TRAPPC9: variants seen among roughly 807,000 people sequenced by gnomAD.
TRAPPC9 encodes the protein IKK2 binding protein.
Under a neutral mutation model 124.0 loss-of-function variants are expected in TRAPPC9, and 83 were observed. The observed-to-expected ratio is 0.67, with a 90% confidence interval of 0.56 to 0.80. TRAPPC9 has a LOEUF of 0.80. Ranked by LOEUF, TRAPPC9 falls within the 30% of genes least tolerant of loss-of-function variation. TRAPPC9 has a pLI of 0.00. For synonymous variants in TRAPPC9, 638 were observed against 617.5 expected (o/e 1.03, Z -0.49); for missense variants, 1,302 against 1,508.3 (o/e 0.86, Z 2.27).
At chr8:139,884,230 T>C (rs993147467) in intron 21 of TRAPPC9, among the ~76,000 whole-genome samples, 1 of 151,976 alleles carries the variant, frequency 6.6e-6, no homozygotes, top group East Asian at 1.9e-4. Context: ...GGGAAGGGCA[T>C]TGTTTCCAGA....
At chr8:140,370,933 C>T in intron 8 of TRAPPC9, 31 bp downstream of exon 8, 4 of 1,611,680 alleles carry the variant, frequency 2.5e-6, no homozygotes, top group Non-Finnish European at 2.5e-6. Context: ...CAGAAAGCAA[C>T]ACCTTAGCGC....
At chr8:140,383,649 A>C (rs896187590) in intron 7 of TRAPPC9, among the ~76,000 whole-genome samples, 3 of 152,216 alleles carry the variant, frequency 2.0e-5, no homozygotes, top group Non-Finnish European at 4.4e-5. Flanking sequence ...GCCTCCAAGA[A>C]ATACGGGACT....
At chr8:140,361,639 A>G (rs2067957003) in intron 8 of TRAPPC9, among the ~76,000 whole-genome samples, 1 of 152,228 alleles carries the variant, frequency 6.6e-6, no homozygotes, top group Non-Finnish European at 1.5e-5. Context: ...TAGCTGTGAC[A>G]TGATTAATGA....
rs1221275448 is a variant in TRAPPC9, at chr8:139,887,217, C to CT, written c.2965-1249dup. On this transcript the variant is annotated intron_variant, in intron 20 of 22. Coordinates refer to ENST00000438773, the MANE Select transcript of TRAPPC9 (RefSeq NM_001160372.4). ...TACCCACTCCTGTGTCCTATTTTAG[C>CT]TTTTTTTTTTTTTTTTTTTTAGAGA... 9.6e-3 allele frequency among the ~76,000 whole-genome samples: 1,254 copies of CT among 130,584 alleles called. 11 individuals are homozygous for CT. The highest frequency in any genetic ancestry group is 0.021 in the African/African-American group (739 of 34,766). 85.7% of individuals were successfully genotyped at this position (130,584 alleles called of 152,430 possible).
intron 17 of TRAPPC9, among the ~76,000 whole-genome samples, chr8:140,191,860 C>G (rs542491968): frequency 1.3e-5 from 2 of 152,284 alleles, no homozygotes; most frequent in African/African-American, 4.8e-5. Flanking sequence ...GGAAGGAGCA[C>G]AGGTCTGAGA....
chr8:140,125,017 G>A (rs2061059460), intron 17 of TRAPPC9, among the ~76,000 whole-genome samples: 1 of 152,234 alleles, frequency 6.6e-6, no homozygotes, highest in Non-Finnish European at 1.5e-5. Context: ...CCAACCAGGT[G>A]GCCTCAGATA....
At chr8:140,102,104 G>C (rs1433509345) in intron 17 of TRAPPC9, among the ~76,000 whole-genome samples, 1 of 152,182 alleles carries the variant, frequency 6.6e-6, no homozygotes, top group Non-Finnish European at 1.5e-5. Context: ...AGTTACTAGA[G>C]TCCAAACTGT....
chr8:140,453,084 C>T (rs1402579425), intron 1 of TRAPPC9, among the ~76,000 whole-genome samples: 1 of 152,106 alleles, frequency 6.6e-6, no homozygotes, highest in Non-Finnish European at 1.5e-5. Context: ...ACTATAGTCT[C>T]AAATAAAAAG....
At chr8:139,942,371 T>C (rs1387627898) in intron 19 of TRAPPC9, among the ~76,000 whole-genome samples, 1 of 135,628 alleles carries the variant, frequency 7.4e-6, no homozygotes, top group Non-Finnish European at 1.6e-5. Flanking sequence ...ATTTGGTCAT[T>C]GGTCATTTTA....
intron 17 of TRAPPC9, among the ~76,000 whole-genome samples, chr8:140,106,102 T>C (rs1442929207): frequency 6.7e-6 from 1 of 150,190 alleles, no homozygotes; most frequent in Admixed American, 6.6e-5. Flanking sequence ...TGCGGGATGA[T>C]GAATCACACA....
chr8:139,966,565 T>C (rs923826656), intron 19 of TRAPPC9, among the ~76,000 whole-genome samples: 9 of 152,228 alleles, frequency 5.9e-5, no homozygotes, highest in East Asian at 5.8e-4. Flanking sequence ...TAAATGGGTA[T>C]AAATTTGCCT....
chr8:140,259,837 A>G (rs2064357935), intron 15 of TRAPPC9, among the ~76,000 whole-genome samples: 2 of 152,230 alleles, frequency 1.3e-5, no homozygotes, highest in South Asian at 2.1e-4. Context: ...CCTGGCCACC[A>G]GCAGGCACTC....
chr8:139,973,781 C>T lies in TRAPPC9; in HGVS notation c.2810+14945G>A, dbSNP rs944879415. ...CCTCTGGGAGGCTGGGGGAGGAGGC[C>T]GAGGTGAGTGCCAGGCCCCCAAACC... is the stretch of plus-strand genomic sequence containing the variant. On this transcript the variant is annotated intron_variant, in intron 19 of 22. Coordinates refer to ENST00000438773, the MANE Select transcript of TRAPPC9 (RefSeq NM_001160372.4). Among the ~76,000 whole-genome samples the T allele has an allele frequency of 4.6e-5, 7 of 152,012 alleles. No homozygotes were observed. In the East Asian group the frequency reaches 1.4e-3, roughly 29 times the overall value.
rs531524865 is a variant in TRAPPC9, at chr8:140,413,122, C to T, written c.887-7424G>A. Among the ~76,000 whole-genome samples, 11 of 152,296 alleles carry T rather than the reference C, an allele frequency of 7.2e-5. No individual in the cohort carries two copies. In the East Asian group the frequency reaches 1.7e-3, roughly 24 times the overall value. ...TCACCACCCGGGTCGGGCACGGTGG[C>T]TCACGTCTGTAATCCCAGCACTTTG... On this transcript the variant is annotated intron_variant, in intron 5 of 22. Transcript: ENST00000438773.
intron 16 of TRAPPC9, among the ~76,000 whole-genome samples, chr8:140,249,387 TCCAGGGTGTATATGTA>T (rs2064070837): frequency 6.6e-6 from 1 of 152,212 alleles, no homozygotes; most frequent in African/African-American, 2.4e-5. Context: ...TGCATAGTCT[TCCAGGGTGTATATGTA>T]CCACATTTTC....
intron 11 of TRAPPC9, among the ~76,000 whole-genome samples, chr8:140,293,657 T>C (rs912188938): frequency 2.2e-4 from 33 of 151,822 alleles, no homozygotes; most frequent in South Asian, 1.9e-3. Flanking sequence ...TAGGTGGGAA[T>C]TGAACAATGA....
intron 17 of TRAPPC9, among the ~76,000 whole-genome samples, chr8:140,197,123 A>AGG: frequency 6.6e-6 from 1 of 152,316 alleles, no homozygotes; most frequent in Non-Finnish European, 1.5e-5. Flanking sequence ...ATAACAAGTG[A>AGG]GGGGACTGGA....
intron 9 of TRAPPC9, among the ~76,000 whole-genome samples, chr8:140,351,190 C>A (rs983355446): frequency 6.7e-6 from 1 of 149,236 alleles, no homozygotes; most frequent in Admixed American, 6.9e-5. Context: ...CAGGCCCACG[C>A]TAGTCGCTGA....
intron 12 of TRAPPC9, 51 bp downstream of exon 12, chr8:140,290,942 T>G: frequency 6.9e-7 from 1 of 1,445,630 alleles, no homozygotes; most frequent in Non-Finnish European, 9.7e-7. Flanking sequence ...CCTACTTTAA[T>G]GAGAAGTTTG....
Sources: allele counts gnomAD v4.1 joint callset (sites outside exome capture counted in the v4.1 genomes callset), GRCh38; gene constraint gnomAD v4.1.1; transcripts MANE v1.5; gene names NCBI Gene and HGNC (gene_info 2026-07-23, HGNC 2026-07-21).